PAK4: variants seen among roughly 807,000 people sequenced by gnomAD.
PAK4 encodes p21 (RAC1) activated kinase 4.
In PAK4, 49 loss-of-function variants were observed where a neutral mutation model predicts 53.5. The observed-to-expected ratio is 0.92, with a 90% CI of 0.73 to 1.16. The LOEUF (loss-of-function observed/expected upper bound fraction) is 1.16, where lower values mean the gene tolerates loss of function less well. PAK4 is among the 50% of genes most tolerant of loss of function. PAK4 has a pLI of 0.00. For synonymous variants in PAK4, 376 were observed against 375.6 expected, an observed-to-expected ratio of 1.00 and a Z score of -0.01; for missense variants, 824 against 850.7, an observed-to-expected ratio of 0.97 and a Z score of 0.39.
At chr19:39,169,561 G>C in exon 2 of PAK4, 1 of 1,613,092 alleles carries the variant, frequency 6.2e-7, no homozygotes, top group Non-Finnish European at 8.5e-7. Context: ...ACCATGTTTG[G>C]GAAGAGGAAG....
chr19:39,132,191 T>TC (rs2073725499), intron 1 of PAK4, among the ~76,000 whole-genome samples: 1 of 152,356 alleles, frequency 6.6e-6, no homozygotes, highest in South Asian at 2.1e-4. Context: ...ACCTCGTTTC[T>TC]CTTTTCCCGT....
chr19:39,176,424 G>T (rs2074606070), intron 6 of PAK4, 166 bp from the exon 8 acceptor site: 1 of 834,758 alleles, frequency 1.2e-6, no homozygotes, highest in Non-Finnish European at 1.9e-6. Flanking sequence ...AGGTGGTGGA[G>T]CTCCCCATTG....
chr19:39,154,624 A>T (rs1346635090), intron 1 of PAK4, among the ~76,000 whole-genome samples: 1 of 152,184 alleles, frequency 6.6e-6, no homozygotes, highest in Non-Finnish European at 1.5e-5. Flanking sequence ...GTAAAGTGAG[A>T]ATCACTGAGA....
downstream of PAK4, chr19:39,180,324 A>G (rs2144905020): frequency 6.6e-6 from 1 of 152,374 alleles, no homozygotes; most frequent in South Asian, 2.1e-4. Flanking sequence ...TCTGGAAAAA[A>G]AAAAAATGCT....
intron 1 of PAK4, among the ~76,000 whole-genome samples, chr19:39,165,195 G>GATGATGATGATAATAATAATA (rs1364745681): frequency 7.8e-6 from 1 of 128,434 alleles, no homozygotes; most frequent in African/African-American, 3.0e-5. Flanking sequence ...TGATGATGAT[G>GATGATGATGATAATAATAATA]ATAATAATAA....
intron 1 of PAK4, among the ~76,000 whole-genome samples, chr19:39,128,195 GC>G (rs1391631135): frequency 6.6e-6 from 1 of 152,208 alleles, no homozygotes; most frequent in Non-Finnish European, 1.5e-5. Context: ...TCATAGAATT[GC>G]TGTGAGGATG....
chr19:39,154,351 T>C (rs1034934828), intron 1 of PAK4, among the ~76,000 whole-genome samples: 1 of 152,144 alleles, frequency 6.6e-6, no homozygotes, highest in Non-Finnish European at 1.5e-5. Context: ...TTGTGTGTCA[T>C]GTGGCTGCCA....
exon 7 of PAK4, chr19:39,176,642 G>A (rs373414547): frequency 1.9e-5 from 30 of 1,613,604 alleles, no homozygotes; most frequent in East Asian, 2.2e-5. Flanking sequence ...GAAGTGCCCC[G>A]AAGGAAGTCG....
In PAK4 at chr19:39,178,592, T is replaced by C. The variant is rs1333750304; in HGVS notation, c.*13T>C. ...CCGCACCAGATGAGGCCCAGCGCCC[T>C]TCCCCTCAACCAAAGAGCCCCCCGG... is the stretch of plus-strand genomic sequence containing the variant. On this transcript the variant is annotated 3_prime_UTR_variant, in exon 9 of 9. Transcript: ENST00000358301. This position sits in a 1 kb window ranked among gnomAD's most constrained non-coding sequence, Gnocchi z 4.4. 6 of 1,560,736 alleles carry C rather than the reference T, an allele frequency of 3.8e-6. No homozygotes were observed. In the Admixed American group the frequency reaches 1.1e-4, roughly 28 times the overall value.
intron 1 of PAK4, among the ~76,000 whole-genome samples, chr19:39,154,392 CAT>C (rs954989007): frequency 1.8e-4 from 28 of 152,106 alleles, no homozygotes; most frequent in Admixed American, 6.5e-4. Flanking sequence ...AGCAGGTAAT[CAT>C]GTGTGTACCC....
intron 1 of PAK4, among the ~76,000 whole-genome samples, chr19:39,160,717 G>A (rs913658704): frequency 5.3e-5 from 8 of 152,354 alleles, no homozygotes; most frequent in Admixed American, 1.3e-4. Context: ...AGTCAGGGCC[G>A]TGTTGAATCA....
intron 1 of PAK4, among the ~76,000 whole-genome samples, chr19:39,155,195 C>T (rs1382998128): frequency 1.3e-5 from 2 of 152,186 alleles, no homozygotes; most frequent in African/African-American, 2.4e-5. Flanking sequence ...TACCGCCTAC[C>T]AGACTGGAGT....
rs1308819941 is a variant in PAK4 at position 39,177,368 on chromosome 19, CTG to C, written c.1486-304_1486-303del. Reference sequence around the variant, plus strand: ...TTCTGAACCAATCACTGTGTCTCCACTGTGGTGATGAGGCCGCATGGGTCCTG... The same window carrying C: ...TTCTGAACCAATCACTGTGTCTCCACTGGTGATGAGGCCGCATGGGTCCTG... On this transcript the variant is annotated intron_variant, in intron 7 of 8. Transcript: ENST00000358301. 5.9e-5 allele frequency among the ~76,000 whole-genome samples: 9 copies of C among 152,198 alleles called. No homozygotes were observed. In the East Asian group the frequency reaches 1.7e-3, roughly 29 times the overall value.
At chr19:39,143,664 C>T (rs1047125488) in intron 1 of PAK4, among the ~76,000 whole-genome samples, 1 of 128,658 alleles carries the variant, frequency 7.8e-6, no homozygotes, top group Non-Finnish European at 1.7e-5. Context: ...AAGAAAATGA[C>T]TGGGCACAGT....
intron 2 of PAK4, among the ~76,000 whole-genome samples, chr19:39,170,338 CT>C (rs755752924): frequency 3.3e-5 from 5 of 150,864 alleles, no homozygotes; most frequent in Non-Finnish European, 7.4e-5. Context: ...CTGTGAAACG[CT>C]GGGGGCTTTT....
At chr19:39,174,735 C>T (rs927331854) in intron 4 of PAK4, among the ~76,000 whole-genome samples, 196 bp from the exon 6 acceptor site, 1 of 152,160 alleles carries the variant, frequency 6.6e-6, no homozygotes, top group South Asian at 2.1e-4. Context: ...GGGGCGCGCC[C>T]CCAGAAGGGA....
At chr19:39,163,737 A>G (rs1038031680) in intron 1 of PAK4, among the ~76,000 whole-genome samples, 1 of 152,252 alleles carries the variant, frequency 6.6e-6, no homozygotes, top group African/African-American at 2.4e-5. Context: ...CGGCTGGGGC[A>G]GAAGGCTGCA....
Position 39,175,284 on chromosome 19 carries a change from G to T in PAK4, c.1233-28G>T. ...GGCACCCCGGGGTGCTGTCCAGCTG[G>T]CTGCTCACCCCCCACCCCACCCCGC... On this transcript the variant is annotated intron_variant, in intron 5 of 8. Coordinates refer to ENST00000358301, the Ensembl canonical transcript of PAK4. This position sits in a 1 kb window ranked among gnomAD's most constrained non-coding sequence, Gnocchi z 4.7. The T allele has an allele frequency of 6.4e-7, 1 of 1,556,832 alleles. No homozygotes were observed. The highest frequency in any genetic ancestry group is 1.2e-5 in the South Asian group (1 of 85,626).
At chr19:39,157,725 G>A (rs1359016161) in intron 1 of PAK4, among the ~76,000 whole-genome samples, 5 of 152,258 alleles carry the variant, frequency 3.3e-5, no homozygotes, top group African/African-American at 4.8e-5. Context: ...ACGGGCCGCC[G>A]CGAGGTGCTC....
Sources: gnomAD v4.1 joint callset for allele counts (sites outside exome capture counted in the v4.1 genomes callset) on GRCh38, gnomAD v4.1.1 for gene constraint, Gnocchi (gnomAD v3.1) non-coding constraint, MANE v1.5 for transcripts, NCBI Gene and HGNC (gene_info 2026-07-23, HGNC 2026-07-21) for gene names.